RIOK2: variants seen among roughly 807,000 people sequenced by gnomAD.
RIOK2 encodes the protein RIO kinase 2, also known as serine/threonine-protein kinase RIO2.
RIOK2 carries 46 observed loss-of-function variants against 62.4 expected under a neutral mutation model. The observed-to-expected ratio is 0.74, with a 90% CI of 0.58 to 0.94. The LOEUF (loss-of-function observed/expected upper bound fraction) is 0.94. Among genes scored for constraint, RIOK2 ranks in the 40% least tolerant of loss-of-function variants. The probability of loss-of-function intolerance (pLI) is 0.00; values close to 1 mark genes in which losing one functional copy is unlikely to be tolerated. For synonymous variants in RIOK2, 197 were observed against 216.0 expected (o/e 0.91, Z 0.77); for missense variants, 574 against 658.0 (o/e 0.87, Z 1.40).
intron 1 of RIOK2, 26 bp downstream of exon 1, chr5:97,183,100 G>A (rs1420343769): frequency 6.2e-7 from 1 of 1,613,346 alleles, no homozygotes. Context: ...AAGGGGAAGG[G>A]AGAACAGGAA....
intron 8 of RIOK2, chr5:97,166,219 CTATT>C: frequency 2.3e-6 from 1 of 437,080 alleles, no homozygotes; most frequent in Non-Finnish European, 4.6e-6. Flanking sequence ...AATAAATCTC[CTATT>C]TATTCTGTTT....
At position 97,162,393 on chromosome 5, in the gene RIOK2, C is replaced by G. The variant is rs1197531182; in HGVS notation, c.*668G>C. On this transcript the variant is annotated 3_prime_UTR_variant, in exon 10 of 10. Coordinates refer to ENST00000283109, the MANE Select transcript of RIOK2 (RefSeq NM_018343.3). Reference sequence around the variant, plus strand: ...GAGAAAGAACATTTCATTCCTCATTCTACTCCACCTTCCCCAACCCCTAAC... The same window carrying G: ...GAGAAAGAACATTTCATTCCTCATTGTACTCCACCTTCCCCAACCCCTAAC... 6.6e-6 allele frequency: 1 copy of G among 152,298 alleles called. No individual in the cohort carries two copies. The highest frequency in any genetic ancestry group is 6.5e-5 in the Admixed American group (1 of 15,282). 9.4% of individuals were successfully genotyped at this position (152,298 alleles called of 1,614,324 possible).
chr5:97,173,834 A>G (rs1479419905), intron 4 of RIOK2, among the ~76,000 whole-genome samples: 2 of 152,206 alleles, frequency 1.3e-5, no homozygotes, highest in Non-Finnish European at 2.9e-5. Context: ...AGTCTGATTC[A>G]AGTGTTAAGA....
In RIOK2 at chr5:97,163,041, T is replaced by C. The variant is rs774787134; in HGVS notation, c.*20A>G. 6.3e-7 allele frequency: 1 copy of C among 1,581,662 alleles called. No homozygotes were observed. The highest frequency in any genetic ancestry group is 1.1e-5 in the South Asian group (1 of 87,348). ...GTAACTTTAAAAAATATATTAAACA[T>C]ATCCAAGATCCTAAATATATTATTC... is the stretch of plus-strand genomic sequence containing the variant. On this transcript the variant is annotated 3_prime_UTR_variant, in exon 10 of 10. Transcript: ENST00000283109.
chr5:97,181,132 C>T (rs971681066), intron 1 of RIOK2, among the ~76,000 whole-genome samples: 9 of 151,704 alleles, frequency 5.9e-5, no homozygotes, highest in Admixed American at 2.6e-4. Context: ...ATTAGCTGGG[C>T]GTGGTGGTGT....
intron 6 of RIOK2, among the ~76,000 whole-genome samples, chr5:97,170,991 TA>T (rs34970461): frequency 0.99 from 147,808 of 149,256 alleles, 73,194 homozygotes; most frequent in East Asian, 1. Context: ...CCATCTCTAC[TA>T]AAAAAAAAAA....
chr5:97,173,406 A>T, intron 4 of RIOK2, 143 bp from the exon 5 acceptor site: 1 of 646,998 alleles, frequency 1.5e-6, no homozygotes. Context: ...TTATTTATGC[A>T]TAGCTTATTT....
At chr5:97,179,707 CAA>C (rs1749283185) in intron 1 of RIOK2, among the ~76,000 whole-genome samples, 1 of 142,818 alleles carries the variant, frequency 7.0e-6, no homozygotes, top group Admixed American at 7.8e-5. Context: ...AAAACTAACA[CAA>C]GAGCAGAAAA....
At position 97,167,807 on chromosome 5, in the gene RIOK2, C is replaced by T; in HGVS notation, c.1057G>A (p.Glu353Lys). ...TCTTCTAGACAGTTCCGTTCACTTT[C>T]ATTTTCTGACCCGTAAACCTCTGCT... ...EKAEVYGSEN[E>K]SERNCLEESE... Residue 353 changes from glutamate to lysine, a missense_variant, in exon 8 of 10, where the codon GAA (glutamate) becomes AAA (lysine). By Grantham distance (56) the Glu-to-Lys change is moderately conservative. Transcript: ENST00000283109. 6.2e-7 allele frequency: 1 copy of T among 1,614,168 alleles called. No individual in the cohort carries two copies. Among genetic ancestry groups the T allele is most frequent in the Non-Finnish European group, 8.5e-7 (1 of 1,180,004 alleles).
intron 9 of RIOK2, among the ~76,000 whole-genome samples, chr5:97,163,570 A>C (rs76156002): frequency 0.011 from 1,698 of 152,294 alleles, 43 homozygotes; most frequent in African/African-American, 0.039. Flanking sequence ...ATTATTTTTG[A>C]AAGCATTCAG....
Position 97,167,451 on chromosome 5 carries a change from C to T in RIOK2, c.1397+16G>A, listed in dbSNP as rs756641449. The T allele has an allele frequency of 5.0e-6, 8 of 1,604,380 alleles. No individual in the cohort carries two copies. The highest frequency in any genetic ancestry group is 4.5e-5 in the South Asian group (4 of 89,830). ...CTCAAGACTAAAGTTAAAAAGCAAT[C>T]GACAGAAGTCTATACCTGAAAGGCC... On this transcript the variant is annotated intron_variant, in intron 8 of 9. Transcript: ENST00000283109.
At position 97,179,981 on chromosome 5, in the gene RIOK2, TATATATATAAAA is replaced by T. The variant is rs1561521974; in HGVS notation, c.67-800_67-789del. On this transcript the variant is annotated intron_variant, in intron 1 of 9. Coordinates refer to ENST00000283109, the MANE Select transcript of RIOK2 (RefSeq NM_018343.3). ...AAGTATTTTATATATATATATAATA[TATATATATAAAA>T]TATATATATATTATATATATATAAT... Among the ~76,000 whole-genome samples, 7 of 61,572 alleles carry T rather than the reference TATATATATAAAA, an allele frequency of 1.1e-4. 2 individuals are homozygous for T. Among genetic ancestry groups the T allele is most frequent in the African/African-American group, 4.9e-4 (7 of 14,234 alleles). 40.4% of individuals were successfully genotyped at this position (61,572 alleles called of 152,430 possible). A position where few individuals can be genotyped will look rare whatever the true frequency, so the allele number is the denominator to read the frequency against.
In RIOK2 at chr5:97,171,327, C is replaced by G. The variant is rs1749002521; in HGVS notation, c.658G>C (p.Ala220Pro). 1.2e-6 allele frequency: 2 copies of G among 1,609,144 alleles called. No homozygotes were observed. The highest frequency in any genetic ancestry group is 1.7e-6 in the Non-Finnish European group (2 of 1,177,944). The change falls in exon 6 of 10, where the codon GCA (alanine) becomes CCA (proline). Residue 220 changes from alanine (A) to proline (P), a missense_variant. Transcript: ENST00000283109. ...TCTCCATGAATCAGCCCATGATTTG[C>G]AAGTTTGACAATTAGTTCCATAGCT... ...DEAMELIVKL[A>P]NHGLIHGDFN...
chr5:97,166,260 CACTT>C, intron 8 of RIOK2: 1 of 454,462 alleles, frequency 2.2e-6, no homozygotes, highest in Non-Finnish European at 4.4e-6. Flanking sequence ...CTAATACAAT[CACTT>C]ACTCAAAATC....
Position 97,167,721 on chromosome 5 carries a change from TAA to T in RIOK2, c.1141_1142del (p.Leu381IlefsTer6). The T allele has an allele frequency of 6.2e-7, 1 of 1,614,216 alleles. No homozygotes were observed. Among genetic ancestry groups the T allele is most frequent in the Non-Finnish European group, 8.5e-7 (1 of 1,180,016 alleles). ...GDPEQIKEDS[L>X]SEESADARSF... ...TCCGTGCATCAGCACTCTCTTCTGA[TAA>T]ACTGTCTTCCTTTATTTGTTCAGGG... On this transcript the variant is annotated frameshift_variant, in exon 8 of 10. Coordinates refer to ENST00000283109, the MANE Select transcript of RIOK2 (RefSeq NM_018343.3). LOFTEE classifies it high-confidence loss of function.
At position 97,179,975 on chromosome 5, in the gene RIOK2, AT is replaced by A. The variant is rs1749296248; in HGVS notation, c.67-783del. Among the ~76,000 whole-genome samples the A allele has an allele frequency of 7.2e-5, 4 of 55,532 alleles. 2 individuals carry two copies. The highest frequency in any genetic ancestry group is 1.4e-4 in the Non-Finnish European group (4 of 29,224). 36.4% of individuals were successfully genotyped at this position (55,532 alleles called of 152,430 possible). A position where few individuals can be genotyped will look rare whatever the true frequency, so the allele number is the denominator to read the frequency against. On this transcript the variant is annotated intron_variant, in intron 1 of 9. Coordinates refer to ENST00000283109, the MANE Select transcript of RIOK2 (RefSeq NM_018343.3). ...ACTTAAAAGTATTTTATATATATATATAATATATATATATAAAATATATATA... is the reference window on the plus strand; with the variant it reads ...ACTTAAAAGTATTTTATATATATATAAATATATATATATAAAATATATATA...
chr5:97,162,947 G>A lies in RIOK2; in HGVS notation c.*114C>T. 1.2e-6 allele frequency: 1 copy of A among 845,048 alleles called. No homozygotes were observed. The highest frequency in any genetic ancestry group is 1.8e-6 in the Non-Finnish European group (1 of 563,454). 52.3% of individuals were successfully genotyped at this position (845,048 alleles called of 1,614,324 possible). ...AATGACCAAATTTATAGATGAAAGAGGGTTTATTTATTAATATATGATAGC... is the reference window on the plus strand; with the variant it reads ...AATGACCAAATTTATAGATGAAAGAAGGTTTATTTATTAATATATGATAGC... On this transcript the variant is annotated 3_prime_UTR_variant, in exon 10 of 10. Transcript: ENST00000283109.
In RIOK2 at chr5:97,160,963, G is replaced by A. The variant is rs757797416; in HGVS notation, c.*2098C>T. 6 of 152,168 alleles carry A rather than the reference G, an allele frequency of 3.9e-5. No homozygotes were observed. The highest frequency in any genetic ancestry group is 8.8e-5 in the Non-Finnish European group (6 of 68,026). The allele number at this position is 152,168 out of a possible 1,614,324, so 9.4% of individuals were successfully genotyped here. A position where few individuals can be genotyped will look rare whatever the true frequency, so the allele number is the denominator to read the frequency against. ...CAGTCTGGATAAATACACAACAAAG[G>A]ATCATAGCTGAAATACCAGTGACCA... is the stretch of plus-strand genomic sequence containing the variant. On this transcript the variant is annotated 3_prime_UTR_variant, in exon 10 of 10. Coordinates refer to ENST00000283109, the MANE Select transcript of RIOK2 (RefSeq NM_018343.3).
intron 4 of RIOK2, among the ~76,000 whole-genome samples, chr5:97,176,514 G>A (rs767075374): frequency 1.3e-5 from 2 of 152,094 alleles, no homozygotes; most frequent in Non-Finnish European, 1.5e-5. Flanking sequence ...GCTAATTCTT[G>A]TATTTTTAGT....
Sources: gnomAD v4.1 joint callset for allele counts (sites outside exome capture counted in the v4.1 genomes callset) on GRCh38, gnomAD v4.1.1 for gene constraint, MANE v1.5 for transcripts, NCBI Gene and HGNC (gene_info 2026-07-23, HGNC 2026-07-21) for gene names.